Variants in SCAPER observed in about 807,000 individuals in gnomAD.
The protein encoded by SCAPER is S phase cyclin A-associated protein in the endoplasmic reticulum.
Under a neutral mutation model 182.2 loss-of-function variants are expected in SCAPER, and 98 were observed. The ratio of observed to expected loss-of-function variants is 0.54; its 90% CI spans 0.46 to 0.64. The LOEUF (loss-of-function observed/expected upper bound fraction) is 0.64, where lower values mean the gene tolerates loss of function less well. SCAPER is among the 30% of genes least tolerant of loss of function. The pLI is 0.00. For synonymous variants in SCAPER, 605 were observed against 564.6 expected, an observed-to-expected ratio of 1.07 and a Z score of -1.01; for missense variants, 1,432 against 1,690.0, an observed-to-expected ratio of 0.85 and a Z score of 2.68.
chr15:76,477,843 CTTAT>C (rs2050779379), intron 24 of SCAPER, among the ~76,000 whole-genome samples: 1 of 151,710 alleles, frequency 6.6e-6, no homozygotes, highest in Non-Finnish European at 1.5e-5. Context: ...GTGTGTTTTC[CTTAT>C]TTATTTATAA....
Position 76,735,937 on chromosome 15 carries a change from A to G in SCAPER, c.1867-2553T>C, listed in dbSNP as rs182151880. Among the ~76,000 whole-genome samples, 9 of 152,292 alleles carry G rather than the reference A, an allele frequency of 5.9e-5. No homozygotes were observed. The East Asian group carries it at 1.7e-3, about 29-fold the overall frequency. On this transcript the variant is annotated intron_variant, in intron 15 of 31. Coordinates refer to ENST00000563290, the MANE Select transcript of SCAPER (RefSeq NM_020843.4). ...ACAGTACCTATATAGTCAGCCCTCC[A>G]TATCTGTGGGTTCTGCATCCATGGA... is the stretch of plus-strand genomic sequence containing the variant.
chr15:76,493,464 A>C (rs766712224), intron 24 of SCAPER, among the ~76,000 whole-genome samples: 43 of 152,176 alleles, frequency 2.8e-4, no homozygotes, highest in Admixed American at 4.6e-4. Flanking sequence ...TTTAAACACC[A>C]ATCTAATTAG....
At chr15:76,705,800 G>C in intron 18 of SCAPER, 103 bp downstream of exon 18, 3 of 751,964 alleles carry the variant, frequency 4.0e-6, no homozygotes, top group Non-Finnish European at 6.4e-6. Context: ...GTTGTGCAAA[G>C]ATTAAGAATA....
In SCAPER at chr15:76,803,876, A is replaced by T. The variant is rs142876031; in HGVS notation, c.494+657T>A. On this transcript the variant is annotated intron_variant, in intron 6 of 31. Transcript: ENST00000563290. ...TACTATGTACTTCATGAAGGCAGGG[A>T]CTGCATCTGTCCTCTTGACCACAAC... Among the ~76,000 whole-genome samples, 960 of 152,064 alleles carry T rather than the reference A, an allele frequency of 6.3e-3. 18 individuals are homozygous for T. Among genetic ancestry groups the T allele is most frequent in the African/African-American group, 0.022 (898 of 41,474 alleles).
At chr15:76,835,183 G>A (rs2068822996) in intron 5 of SCAPER, among the ~76,000 whole-genome samples, 1 of 151,484 alleles carries the variant, frequency 6.6e-6, no homozygotes, top group South Asian at 2.1e-4. Flanking sequence ...ATTCACAATA[G>A]CCACACACAC....
chr15:76,583,282 C>T (rs939426692), intron 22 of SCAPER, among the ~76,000 whole-genome samples: 4 of 147,420 alleles, frequency 2.7e-5, no homozygotes, highest in Non-Finnish European at 4.4e-5. Context: ...ACCCGGAAGG[C>T]AGAGGTTGTG....
At chr15:76,631,229 T>C (rs369359179) in intron 21 of SCAPER, among the ~76,000 whole-genome samples, 4 of 152,216 alleles carry the variant, frequency 2.6e-5, no homozygotes, top group African/African-American at 9.6e-5. Flanking sequence ...CTGATGGATC[T>C]TGACTCTTTA....
At chr15:76,539,713 T>G (rs1180806798) in intron 23 of SCAPER, among the ~76,000 whole-genome samples, 2 of 151,980 alleles carry the variant, frequency 1.3e-5, no homozygotes, top group African/African-American at 4.8e-5. Context: ...ACCCAGCTAA[T>G]TTTTTGTATT....
intron 5 of SCAPER, among the ~76,000 whole-genome samples, chr15:76,837,907 C>T (rs935316633): frequency 2.6e-5 from 4 of 152,050 alleles, no homozygotes; most frequent in African/African-American, 9.7e-5. Context: ...AAAACAGATG[C>T]CGGCAAAGTT....
chr15:76,671,794 G>A (rs568924163), intron 20 of SCAPER, among the ~76,000 whole-genome samples: 1 of 151,794 alleles, frequency 6.6e-6, no homozygotes. Context: ...AGTGAGGGTG[G>A]ACAAACTACC....
intron 4 of SCAPER, among the ~76,000 whole-genome samples, chr15:76,842,132 C>G (rs1486503509): frequency 4.6e-5 from 7 of 152,064 alleles, no homozygotes; most frequent in African/African-American, 1.4e-4. Flanking sequence ...ATTTACATTG[C>G]ATTAGGTATT....
At chr15:76,613,439 A>C (rs1176058596) in intron 22 of SCAPER, among the ~76,000 whole-genome samples, 1 of 152,208 alleles carries the variant, frequency 6.6e-6, no homozygotes, top group Non-Finnish European at 1.5e-5. Flanking sequence ...CATTAAACTA[A>C]AGGGCTTCTG....
intron 25 of SCAPER, among the ~76,000 whole-genome samples, chr15:76,456,518 G>T (rs1203971121): frequency 6.6e-6 from 1 of 152,134 alleles, no homozygotes; most frequent in Non-Finnish European, 1.5e-5. Context: ...AGCATATAGT[G>T]TATCTTGAAC....
intron 23 of SCAPER, among the ~76,000 whole-genome samples, chr15:76,505,610 A>G (rs1167723247): frequency 2.0e-5 from 3 of 152,188 alleles, no homozygotes; most frequent in African/African-American, 7.2e-5. Context: ...GCTGGTGAGG[A>G]TGTGGAGAGG....
rs10438375 is a variant in SCAPER at position 76,585,344 on chromosome 15, T to G, written c.2712-11060A>C. On this transcript the variant is annotated intron_variant, in intron 22 of 31. Transcript: ENST00000563290. The stretch of plus-strand genomic sequence containing the variant: ...GAATATTAAAAATAAAAAAAAAAGT[T>G]GAGTAATGGCAGCATACTTCTTTTA... 7.2e-3 allele frequency among the ~76,000 whole-genome samples: 1,102 copies of G among 152,162 alleles called. 17 individuals are homozygous for G. The highest frequency in any genetic ancestry group is 0.025 in the African/African-American group (1,048 of 41,506).
chr15:76,815,609 C>CA (rs2067012234), intron 5 of SCAPER, among the ~76,000 whole-genome samples: 2 of 152,194 alleles, frequency 1.3e-5, no homozygotes, highest in Non-Finnish European at 2.9e-5. Flanking sequence ...CTGACCCGCA[C>CA]AACAGGAGGT....
intron 29 of SCAPER, among the ~76,000 whole-genome samples, chr15:76,368,254 A>G (rs990396920): frequency 3.3e-5 from 5 of 152,332 alleles, no homozygotes; most frequent in African/African-American, 1.2e-4. Context: ...CTTTGAGGCA[A>G]AGAGTGAAGT....
intron 31 of SCAPER, chr15:76,350,228 G>C (rs993089015): frequency 6.6e-5 from 10 of 152,144 alleles, no homozygotes; most frequent in African/African-American, 2.4e-4. Context: ...TTTCTGAAAA[G>C]TTGCATAGCT....
At chr15:76,534,675 C>T (rs563337099) in intron 23 of SCAPER, among the ~76,000 whole-genome samples, 88 of 152,212 alleles carry the variant, frequency 5.8e-4, no homozygotes, top group Non-Finnish European at 1.1e-3. Flanking sequence ...ATTGCTATTG[C>T]TCCTTGGTAG....
Sources: gnomAD v4.1 joint callset for allele counts (sites outside exome capture counted in the v4.1 genomes callset) on GRCh38, gnomAD v4.1.1 for gene constraint, MANE v1.5 for transcripts, NCBI Gene and HGNC (gene_info 2026-07-23, HGNC 2026-07-21) for gene names.